The following PPP1R12A variants were observed in gnomAD, a reference collection of about 807,000 sequenced individuals.
The protein encoded by PPP1R12A is myosin binding subunit.
In PPP1R12A, 19 loss-of-function variants were observed where a neutral mutation model predicts 139.6. The ratio of observed to expected loss-of-function variants is 0.14; its 90% CI spans 0.09 to 0.20. The LOEUF (loss-of-function observed/expected upper bound fraction) is 0.20, where lower values mean the gene tolerates loss of function less well. PPP1R12A is among the 10% of genes least tolerant of loss of function. The pLI, the probability that PPP1R12A is intolerant of heterozygous loss-of-function variation, is 1.00. For synonymous variants in PPP1R12A, 427 were observed against 420.6 expected (o/e 1.02, Z -0.19); for missense variants, 925 against 1,211.5 (o/e 0.76, Z 3.51).
chr12:79,840,629 T>A (rs1019542180), intron 3 of PPP1R12A, among the ~76,000 whole-genome samples: 2 of 152,226 alleles, frequency 1.3e-5, no homozygotes, highest in African/African-American at 4.8e-5. Flanking sequence ...CCTTCATATC[T>A]GCATTCAATT....
chr12:79,832,667 C>T (rs1877568325), intron 3 of PPP1R12A, 176 bp from the exon 4 acceptor site: 4 of 474,232 alleles, frequency 8.4e-6, no homozygotes, highest in Non-Finnish European at 1.4e-5. Flanking sequence ...TATTGTAGAC[C>T]TTGTATTAAC....
At chr12:79,926,216 C>T (rs577734369) in intron 1 of PPP1R12A, among the ~76,000 whole-genome samples, 3 of 152,292 alleles carry the variant, frequency 2.0e-5, no homozygotes, top group South Asian at 2.1e-4. Context: ...GACAGAATCT[C>T]GCTCTGTCGC....
Position 79,934,884 on chromosome 12 carries a change from G to A in PPP1R12A, c.48C>T (p.Arg16=), listed in dbSNP as rs557068871. Residue 16 remains arginine (R), a synonymous_variant, in exon 1 of 25, where the codon CGC becomes CGT. Transcript: ENST00000450142. ...AKQKRNEQLK[R]WIGSETDLEP... ...CGAGGTCCGTCTCGGAGCCGATCCA[G>A]CGTTTCAGCTGCTCGTTCCGCTTCT... 5 of 1,609,792 alleles carry A rather than the reference G, an allele frequency of 3.1e-6. No homozygotes were observed. The highest frequency in any genetic ancestry group is 3.4e-6 in the Non-Finnish European group (4 of 1,178,116).
chr12:79,869,151 A>T (rs2137318069), intron 2 of PPP1R12A, among the ~76,000 whole-genome samples: 1 of 152,336 alleles, frequency 6.6e-6, no homozygotes, highest in South Asian at 2.1e-4. Flanking sequence ...AGTTGAGGGT[A>T]ATTATTTTGG....
intron 2 of PPP1R12A, among the ~76,000 whole-genome samples, chr12:79,857,738 A>G (rs1214426068): frequency 6.6e-6 from 1 of 152,146 alleles, no homozygotes; most frequent in East Asian, 1.9e-4. Flanking sequence ...TTGACTTCAC[A>G]TGTATCTATC....
At position 79,828,357 on chromosome 12, in the gene PPP1R12A, A is replaced by G. The variant is rs773373033; in HGVS notation, c.755T>C (p.Val252Ala). ...WGKEEACRIL[V>A]DNLCDMEMVN... Reference sequence around the variant, plus strand: ...CATCTCCATATCACACAGATTGTCCACTAAAATTCGACATGCTTCTTCTTT... The same window carrying G: ...CATCTCCATATCACACAGATTGTCCGCTAAAATTCGACATGCTTCTTCTTT... The change falls in exon 5 of 25, where the codon GTG (valine) becomes GCG (alanine). Residue 252 changes from valine (V) to alanine (A), a missense_variant. Around this residue, in one of 4 missense-constraint regions of PPP1R12A, gnomAD observed 199 missense variants for 352.4 expected, o/e 0.56. Coordinates refer to ENST00000450142, the MANE Select transcript of PPP1R12A (RefSeq NM_002480.3). 3 of 1,612,664 alleles carry G rather than the reference A, an allele frequency of 1.9e-6. No individual in the cohort carries two copies. The highest frequency in any genetic ancestry group is 2.5e-6 in the Non-Finnish European group (3 of 1,179,036).
intron 1 of PPP1R12A, among the ~76,000 whole-genome samples, chr12:79,925,127 A>T (rs889593649): frequency 1.1e-4 from 17 of 152,252 alleles, no homozygotes; most frequent in Non-Finnish European, 1.5e-5. Flanking sequence ...CCAACAGAAA[A>T]GCTCTAGAAG....
At chr12:79,909,903 T>C (rs1886426847) in intron 1 of PPP1R12A, among the ~76,000 whole-genome samples, 1 of 151,898 alleles carries the variant, frequency 6.6e-6, no homozygotes, top group Non-Finnish European at 1.5e-5. Flanking sequence ...AGTTTCACCA[T>C]CTTGGCCAGG....
chr12:79,818,738 C>T (rs1875717128), intron 8 of PPP1R12A: 1 of 152,204 alleles, frequency 6.6e-6, no homozygotes, highest in Non-Finnish European at 1.5e-5. Flanking sequence ...GTTGCACTCT[C>T]ATTTTTATCT....
intron 23 of PPP1R12A, among the ~76,000 whole-genome samples, chr12:79,780,928 C>CT (rs776095865): frequency 1.8e-4 from 28 of 151,436 alleles, no homozygotes; most frequent in Admixed American, 1.2e-3. Context: ...AACCATTTCT[C>CT]TTTTTTTTGG....
intron 23 of PPP1R12A, chr12:79,779,426 T>C: frequency 1.9e-6 from 2 of 1,053,446 alleles, no homozygotes; most frequent in Non-Finnish European, 2.6e-6. Context: ...CCCAGATTAA[T>C]AAATAATGCT....
In PPP1R12A at chr12:79,831,151, CA is replaced by C. The variant is rs397937995; in HGVS notation, c.647+1180del. ...AATACTCTTTAATACTTTCTATTCTCAAAAAAAAAAATGCTGTTGGCAACTC... is the reference window on the plus strand; with the variant it reads ...AATACTCTTTAATACTTTCTATTCTCAAAAAAAAAATGCTGTTGGCAACTC... On this transcript the variant is annotated intron_variant, in intron 4 of 24. Coordinates refer to ENST00000450142, the MANE Select transcript of PPP1R12A (RefSeq NM_002480.3). Among the ~76,000 whole-genome samples the C allele has an allele frequency of 8.6e-3, 1,245 of 144,652 alleles. 15 individuals are homozygous for C. The highest frequency in any genetic ancestry group is 0.027 in the African/African-American group (1,061 of 39,738). The allele number at this position is 144,652 out of a possible 152,430, so 94.9% of individuals were successfully genotyped here. A position where few individuals can be genotyped will look rare whatever the true frequency, so the allele number is the denominator to read the frequency against.
intron 14 of PPP1R12A, among the ~76,000 whole-genome samples, chr12:79,802,813 T>A (rs774942981): frequency 1.3e-5 from 2 of 152,180 alleles, no homozygotes; most frequent in South Asian, 4.1e-4. Flanking sequence ...ATAGGGTGCA[T>A]GCTATCACTT....
intron 9 of PPP1R12A, among the ~76,000 whole-genome samples, chr12:79,816,976 T>G (rs1335150529): frequency 2.0e-5 from 3 of 152,136 alleles, no homozygotes; most frequent in Non-Finnish European, 2.9e-5. Flanking sequence ...GGTAGTAGTA[T>G]TTGTAATTTA....
At chr12:79,912,544 G>A (rs1271917941) in intron 1 of PPP1R12A, among the ~76,000 whole-genome samples, 1 of 152,038 alleles carries the variant, frequency 6.6e-6, no homozygotes, top group Admixed American at 6.6e-5. Flanking sequence ...ATAAAAAACA[G>A]TTAGCTGGGC....
chr12:79,790,110 T>C (rs967523669), intron 20 of PPP1R12A, among the ~76,000 whole-genome samples: 2 of 152,168 alleles, frequency 1.3e-5, no homozygotes, highest in Admixed American at 6.5e-5. Flanking sequence ...ACTGGTTCTC[T>C]TTTGTCTAAA....
intron 22 of PPP1R12A, among the ~76,000 whole-genome samples, chr12:79,785,856 C>T (rs1309987633): frequency 6.6e-6 from 1 of 152,074 alleles, no homozygotes; most frequent in African/African-American, 2.4e-5. Flanking sequence ...ATTGCTAGAT[C>T]ATATGTACAA....
chr12:79,798,464 A>C, intron 15 of PPP1R12A, 30 bp downstream of exon 15: 1 of 1,376,096 alleles, frequency 7.3e-7, no homozygotes, highest in African/African-American at 1.4e-5. Context: ...TACTTATGTA[A>C]GTTTTATATA....
In PPP1R12A at chr12:79,807,243, T is replaced by A. The variant is rs1432833600; in HGVS notation, c.1638A>T (p.Gly546=). The A allele has an allele frequency of 6.5e-7, 1 of 1,534,234 alleles. No homozygotes were observed. The highest frequency in any genetic ancestry group is 1.2e-5 in the South Asian group (1 of 83,534). The change falls in exon 12 of 25, where the codon GGA becomes GGT. Residue 546 remains glycine (G), a synonymous_variant. Transcript: ENST00000450142. ...DLKKNSSVNE[G]STYHKSCSFG... Reference sequence around the variant, plus strand: ...ATTATTACCTTTTATGATACGTTGATCCTTCATTAACTGAGCTATTTTTTT... The same window carrying A: ...ATTATTACCTTTTATGATACGTTGAACCTTCATTAACTGAGCTATTTTTTT...
Sources: gnomAD v4.1 joint callset for allele counts (sites outside exome capture counted in the v4.1 genomes callset) on GRCh38, gnomAD v4.1.1 for gene constraint, gnomAD v4.1.1 regional missense constraint, MANE v1.5 for transcripts, NCBI Gene and HGNC (gene_info 2026-07-23, HGNC 2026-07-21) for gene names.